ARFGEF3: variants seen among roughly 807,000 people sequenced by gnomAD.
ARFGEF3 encodes the protein brefeldin A-inhibited guanine nucleotide-exchange protein 3.
ARFGEF3 carries 96 observed loss-of-function variants against 221.7 expected under a neutral mutation model. That is an observed-to-expected ratio of 0.43 (90% confidence interval 0.37 to 0.51). ARFGEF3 has a LOEUF of 0.51. Ranked by LOEUF, ARFGEF3 falls within the 20% of genes least tolerant of loss-of-function variation. ARFGEF3 has a pLI of 0.00. For missense variants in ARFGEF3, 2,410 were observed against 2,789.9 expected (o/e 0.86, Z 3.07); for synonymous variants, 1,145 against 1,126.8 (o/e 1.02, Z -0.32).
intron 14 of ARFGEF3, among the ~76,000 whole-genome samples, chr6:138,282,321 G>A (rs1272379399): frequency 6.6e-6 from 1 of 152,152 alleles, no homozygotes; most frequent in African/African-American, 2.4e-5. Flanking sequence ...GCAGAGCAAG[G>A]CCCTGCCCTC....
rs1776632226 is a variant in ARFGEF3 at position 138,162,271 on chromosome 6, G to A, written c.85+100G>A. On this transcript the variant is annotated intron_variant, in intron 1 of 33. Coordinates refer to ENST00000251691, the MANE Select transcript of ARFGEF3 (RefSeq NM_020340.5). The surrounding 1 kb of genome is among the most constrained non-coding windows in gnomAD (Gnocchi z 4.7). ...GGCTTTCGCGGAGCGTCGGTCATGG[G>A]TGCCGTTCTGGCGATTGCGAGAGTC... is the stretch of plus-strand genomic sequence containing the variant. 3 of 787,616 alleles carry A rather than the reference G, an allele frequency of 3.8e-6. No individual in the cohort carries two copies. The allele number at this position is 787,616 out of a possible 1,614,324, so 48.8% of individuals were successfully genotyped here. A position where few individuals can be genotyped will look rare whatever the true frequency, so the allele number is the denominator to read the frequency against.
chr6:138,217,856 A>G, intron 4 of ARFGEF3: 1 of 1,304,916 alleles, frequency 7.7e-7, no homozygotes, highest in Non-Finnish European at 1.0e-6. Flanking sequence ...TACATCATCA[A>G]ATTCTTTTCA....
chr6:138,288,008 C>T (rs1779327826), intron 17 of ARFGEF3, among the ~76,000 whole-genome samples: 1 of 151,818 alleles, frequency 6.6e-6, no homozygotes, highest in Non-Finnish European at 1.5e-5. Flanking sequence ...CCATGAACTA[C>T]ATAAAAATCC....
chr6:138,340,536 AAT>A lies in ARFGEF3; in HGVS notation c.*4052_*4053del, dbSNP rs1780410374. On this transcript the variant is annotated 3_prime_UTR_variant, in exon 34 of 34. Coordinates refer to ENST00000251691, the MANE Select transcript of ARFGEF3 (RefSeq NM_020340.5). Reference sequence around the variant, plus strand: ...AAACAGAATGAAGACCTTTGATAGTAATAGCAAGAGGTTACAAATAGCAGGGA... The same window carrying A: ...AAACAGAATGAAGACCTTTGATAGTAAGCAAGAGGTTACAAATAGCAGGGA... 3 of 152,232 alleles carry A rather than the reference AAT, an allele frequency of 2.0e-5. No homozygotes were observed. The highest frequency in any genetic ancestry group is 2.0e-4 in the Admixed American group (3 of 15,282). The allele number at this position is 152,232 out of a possible 1,614,324, so 9.4% of individuals were successfully genotyped here.
chr6:138,299,740 C>T lies in ARFGEF3; in HGVS notation c.3828+955C>T, dbSNP rs761586350. Among the ~76,000 whole-genome samples, 94 of 152,172 alleles carry T rather than the reference C, an allele frequency of 6.2e-4. 1 individual carries two copies. Among genetic ancestry groups the T allele is most frequent in the Admixed American group, 3.9e-4 (6 of 15,278 alleles). ...CACAGAAACAGAAAACAAATCTCAACGCAAACTTTACAAAGCTGGTGTTCA... is the reference window on the plus strand; with the variant it reads ...CACAGAAACAGAAAACAAATCTCAATGCAAACTTTACAAAGCTGGTGTTCA... On this transcript the variant is annotated intron_variant, in intron 22 of 33. Coordinates refer to ENST00000251691, the MANE Select transcript of ARFGEF3 (RefSeq NM_020340.5).
intron 12 of ARFGEF3, among the ~76,000 whole-genome samples, chr6:138,277,938 G>A (rs1053538771): frequency 1.1e-4 from 17 of 152,178 alleles, no homozygotes; most frequent in Admixed American, 4.6e-4. Flanking sequence ...TTGAGGGAGC[G>A]CAGCATCCAG....
intron 10 of ARFGEF3, among the ~76,000 whole-genome samples, chr6:138,260,000 G>T (rs899931379): frequency 6.6e-6 from 1 of 152,212 alleles, no homozygotes; most frequent in Non-Finnish European, 1.5e-5. Context: ...TGGGATGCCA[G>T]GAGACAGTGA....
intron 2 of ARFGEF3, among the ~76,000 whole-genome samples, chr6:138,198,122 G>A (rs896296094): frequency 4.4e-4 from 67 of 152,042 alleles, no homozygotes; most frequent in Non-Finnish European, 8.8e-5. Flanking sequence ...TAAAGTATAG[G>A]CATAACCATT....
intron 26 of ARFGEF3, among the ~76,000 whole-genome samples, chr6:138,315,979 TGATTA>T (rs1347021021): frequency 3.9e-5 from 6 of 152,204 alleles, no homozygotes; most frequent in African/African-American, 1.4e-4. Context: ...TTCAGTTTAA[TGATTA>T]GATAAGAACA....
At chr6:138,225,432 G>T (rs1342564226) in intron 4 of ARFGEF3, among the ~76,000 whole-genome samples, 1 of 152,150 alleles carries the variant, frequency 6.6e-6, no homozygotes, top group East Asian at 1.9e-4. Flanking sequence ...CCTCTTATCT[G>T]CAAAGTCTGT....
At chr6:138,323,438 C>A (rs1780070387) in intron 29 of ARFGEF3, among the ~76,000 whole-genome samples, 1 of 152,008 alleles carries the variant, frequency 6.6e-6, no homozygotes, top group African/African-American at 2.4e-5. Context: ...ATGGAGAAAC[C>A]CCATCTCTAC....
chr6:138,329,020 T>C (rs536593312), intron 32 of ARFGEF3, among the ~76,000 whole-genome samples: 5 of 151,750 alleles, frequency 3.3e-5, no homozygotes, highest in South Asian at 4.2e-4. Flanking sequence ...AAAAGTAAAT[T>C]GAGGCATGGT....
In ARFGEF3 at chr6:138,336,059, T is replaced by C. The variant is rs140375880; in HGVS notation, c.6343-236T>C. Among the ~76,000 whole-genome samples the C allele has an allele frequency of 1.5e-3, 231 of 152,274 alleles. 1 individual carries two copies. The highest frequency in any genetic ancestry group is 5.2e-3 in the African/African-American group (216 of 41,556). On this transcript the variant is annotated intron_variant, in intron 33 of 33. Coordinates refer to ENST00000251691, the MANE Select transcript of ARFGEF3 (RefSeq NM_020340.5). ...AGGAATAAGTAAGAGTTTAGTAGTT[T>C]GTGAAAGCTGAAAATAAGGCGAGTC...
intron 22 of ARFGEF3, among the ~76,000 whole-genome samples, chr6:138,300,808 A>G (rs1779615955): frequency 6.6e-6 from 1 of 152,240 alleles, no homozygotes; most frequent in Non-Finnish European, 1.5e-5. Flanking sequence ...GGTGAACCTT[A>G]AATAGATTAG....
chr6:138,253,842 C>CT (rs1778623934), intron 8 of ARFGEF3, 38 bp from the exon 9 acceptor site: 1 of 1,496,466 alleles, frequency 6.7e-7, no homozygotes, highest in African/African-American at 1.4e-5. Flanking sequence ...TTTGCCTTGT[C>CT]TTTTGTCTGC....
At chr6:138,288,361 G>C (rs376120325) in intron 17 of ARFGEF3, among the ~76,000 whole-genome samples, 46 of 152,002 alleles carry the variant, frequency 3.0e-4, no homozygotes, top group African/African-American at 1.1e-3. Flanking sequence ...CTCTAGCCTG[G>C]GTGACAGAGT....
intron 10 of ARFGEF3, among the ~76,000 whole-genome samples, chr6:138,260,568 A>G (rs1282553968): frequency 6.6e-6 from 1 of 152,220 alleles, no homozygotes; most frequent in African/African-American, 2.4e-5. Flanking sequence ...AACTCCTTGT[A>G]TTAAAAAGCA....
At chr6:138,335,890 T>C (rs1409433139) in intron 33 of ARFGEF3, among the ~76,000 whole-genome samples, 2 of 152,210 alleles carry the variant, frequency 1.3e-5, no homozygotes, top group Non-Finnish European at 2.9e-5. Context: ...GCCCATCCTG[T>C]GCACATAAAA....
At chr6:138,200,925 A>G (rs1276558022) in intron 2 of ARFGEF3, among the ~76,000 whole-genome samples, 2 of 152,230 alleles carry the variant, frequency 1.3e-5, no homozygotes, top group African/African-American at 4.8e-5. Flanking sequence ...CAATCTATAC[A>G]TCTGACAAAG....
Sources: allele counts gnomAD v4.1 joint callset (sites outside exome capture counted in the v4.1 genomes callset), GRCh38; gene constraint gnomAD v4.1.1; non-coding constraint Gnocchi (gnomAD v3.1); transcripts MANE v1.5; gene names NCBI Gene and HGNC (gene_info 2026-07-23, HGNC 2026-07-21).